The following USH2A variants were observed in gnomAD, a reference collection of about 807,000 sequenced individuals.
USH2A encodes the protein Usher syndrome 2A (autosomal recessive, mild).
Under a neutral mutation model 538.9 loss-of-function variants are expected in USH2A, and 443 were observed. That is an observed-to-expected ratio of 0.82 (90% CI 0.76 to 0.89). USH2A has a LOEUF of 0.89. USH2A is among the 40% of genes least tolerant of loss of function. The probability of loss-of-function intolerance (pLI) is 0.00; values close to 1 mark genes in which losing one functional copy is unlikely to be tolerated. For missense variants in USH2A, 6,633 were observed against 6,324.8 expected, an observed-to-expected ratio of 1.05 and a Z score of -1.65; for synonymous variants, 2,413 against 2,273.5, an observed-to-expected ratio of 1.06 and a Z score of -1.75.
chr1:216,089,258 A>T (rs2032232506), intron 22 of USH2A, 119 bp from the exon 23 acceptor site: 6 of 1,104,516 alleles, frequency 5.4e-6, no homozygotes, highest in Non-Finnish European at 8.1e-6. Context: ...ACAAGCATGC[A>T]TACATTTCAA....
chr1:216,149,171 C>T (rs895620582), intron 21 of USH2A, among the ~76,000 whole-genome samples: 4 of 152,152 alleles, frequency 2.6e-5, no homozygotes, highest in Non-Finnish European at 5.9e-5. Context: ...ACTGTTTTAA[C>T]CTAGCCCTCA....
At chr1:216,126,385 G>A (rs1050529000) in intron 21 of USH2A, among the ~76,000 whole-genome samples, 2 of 152,060 alleles carry the variant, frequency 1.3e-5, no homozygotes. Flanking sequence ...CACTATGCCT[G>A]GCTAATTTTT....
intron 70 of USH2A, among the ~76,000 whole-genome samples, chr1:215,631,007 A>C (rs776235996): frequency 5.9e-5 from 9 of 152,194 alleles, no homozygotes; most frequent in Non-Finnish European, 1.2e-4. Context: ...AAACTTAGCT[A>C]TACTGTATAC....
chr1:215,915,221 TA>T (rs1346847413), intron 38 of USH2A, among the ~76,000 whole-genome samples: 2 of 152,098 alleles, frequency 1.3e-5, no homozygotes, highest in African/African-American at 4.8e-5. Flanking sequence ...AAGTTCCTGT[TA>T]TTTTAAACAA....
chr1:216,036,587 G>A (rs1458419927), intron 32 of USH2A, among the ~76,000 whole-genome samples: 2 of 152,050 alleles, frequency 1.3e-5, no homozygotes, highest in Non-Finnish European at 2.9e-5. Context: ...ACATTACATT[G>A]TTGGAAACTC....
chr1:216,025,591 T>C (rs927097155), intron 32 of USH2A, among the ~76,000 whole-genome samples: 18 of 152,138 alleles, frequency 1.2e-4, no homozygotes, highest in Non-Finnish European at 4.4e-5. Context: ...TCAATTTTTA[T>C]GAAATGTTTT....
intron 3 of USH2A, among the ~76,000 whole-genome samples, chr1:216,369,830 G>C (rs1169527152): frequency 1.3e-5 from 2 of 151,282 alleles, no homozygotes; most frequent in Non-Finnish European, 2.9e-5. Context: ...GGCTGAGGCG[G>C]GAGAATCTTT....
At chr1:216,118,553 T>C (rs2033060855) in intron 21 of USH2A, among the ~76,000 whole-genome samples, 1 of 152,184 alleles carries the variant, frequency 6.6e-6, no homozygotes, top group Admixed American at 6.5e-5. Flanking sequence ...TCAAGAAATG[T>C]ATATTGAGTG....
chr1:215,986,277 G>A (rs994791473), intron 35 of USH2A, among the ~76,000 whole-genome samples: 3 of 150,276 alleles, frequency 2.0e-5, no homozygotes, highest in African/African-American at 7.3e-5. Context: ...ACACTACCAC[G>A]CCTGGCTAAT....
chr1:216,061,636 GGGCACA>G (rs565385280), intron 30 of USH2A, among the ~76,000 whole-genome samples: 1 of 152,212 alleles, frequency 6.6e-6, no homozygotes, highest in South Asian at 2.1e-4. Context: ...TTTGCATGTG[GGGCACA>G]CAGCCATCAG....
At chr1:216,294,474 C>T (rs1447574373) in intron 9 of USH2A, among the ~76,000 whole-genome samples, 1 of 150,710 alleles carries the variant, frequency 6.6e-6, no homozygotes, top group African/African-American at 2.4e-5. Flanking sequence ...TGCATTATTT[C>T]TTATATTTCT....
chr1:216,310,788 A>G (rs2037405878), intron 9 of USH2A, among the ~76,000 whole-genome samples: 1 of 152,140 alleles, frequency 6.6e-6, no homozygotes, highest in African/African-American at 2.4e-5. Context: ...CTGCATTTTA[A>G]AATTCGTGGT....
chr1:216,053,876 A>G (rs527767922), intron 30 of USH2A, among the ~76,000 whole-genome samples: 2 of 152,290 alleles, frequency 1.3e-5, no homozygotes, highest in African/African-American at 2.4e-5. Context: ...AGAAAGCCCA[A>G]GCTGAAAGAT....
intron 63 of USH2A, 124 bp from the exon 64 acceptor site, chr1:215,671,417 T>C (rs745949516): frequency 8.9e-5 from 94 of 1,056,802 alleles, no homozygotes; most frequent in Non-Finnish European, 1.2e-4. Context: ...CACAGCTAAT[T>C]CTTAAGAATA....
chr1:215,628,159 G>C (rs1402436258), intron 71 of USH2A, among the ~76,000 whole-genome samples: 1 of 151,930 alleles, frequency 6.6e-6, no homozygotes, highest in Non-Finnish European at 1.5e-5. Context: ...AATAGGAAAA[G>C]GCAAAACAAA....
At chr1:215,701,553 A>G (rs376436977) in intron 61 of USH2A, among the ~76,000 whole-genome samples, 17 of 152,232 alleles carry the variant, frequency 1.1e-4, no homozygotes, top group African/African-American at 4.1e-4. Flanking sequence ...TGTTCCATTG[A>G]TCCCTTTACC....
chr1:215,732,412 T>G (rs1233319109), intron 60 of USH2A, among the ~76,000 whole-genome samples: 1 of 152,196 alleles, frequency 6.6e-6, no homozygotes, highest in Non-Finnish European at 1.5e-5. Flanking sequence ...CCATTTTATA[T>G]TCTAGTTATC....
chr1:215,783,349 A>G (rs1234631647), intron 52 of USH2A, among the ~76,000 whole-genome samples: 1 of 152,174 alleles, frequency 6.6e-6, no homozygotes, highest in Non-Finnish European at 1.5e-5. Flanking sequence ...TACTTTGTTA[A>G]TATTACTTAA....
Position 216,322,049 on chromosome 1 carries a change from A to G in USH2A, c.1551-73T>C, listed in dbSNP as rs905892909. Reference sequence around the variant, plus strand: ...TGAATATATTTAAGGTCCTAGGACTATATGCATTATGTGAATTTAACAGGG... The same window carrying G: ...TGAATATATTTAAGGTCCTAGGACTGTATGCATTATGTGAATTTAACAGGG... On this transcript the variant is annotated intron_variant, in intron 8 of 71. Coordinates refer to ENST00000307340, the MANE Select transcript of USH2A (RefSeq NM_206933.4). 2.9e-6 allele frequency: 4 copies of G among 1,394,456 alleles called. No homozygotes were observed. In the African/African-American group the frequency reaches 5.7e-5, roughly 20 times the overall value. 86.4% of individuals were successfully genotyped at this position (1,394,456 alleles called of 1,614,324 possible).
Sources: allele counts gnomAD v4.1 joint callset (sites outside exome capture counted in the v4.1 genomes callset), GRCh38; gene constraint gnomAD v4.1.1; transcripts MANE v1.5; gene names NCBI Gene and HGNC (gene_info 2026-07-23, HGNC 2026-07-21).